The following DYM variants were observed in gnomAD, a reference collection of about 807,000 sequenced individuals.
DYM encodes dyggve-Melchior-Clausen syndrome protein.
In DYM, 78 loss-of-function variants were observed where a neutral mutation model predicts 93.1. The observed-to-expected ratio is 0.84, with a 90% CI of 0.70 to 1.01. The LOEUF (loss-of-function observed/expected upper bound fraction) is 1.01, where lower values mean the gene tolerates loss of function less well. Ranked by LOEUF, DYM falls within the 50% of genes least tolerant of loss-of-function variation. The pLI is 0.00. For missense variants in DYM, 789 were observed against 845.0 expected, an observed-to-expected ratio of 0.93 and a Z score of 0.82; for synonymous variants, 321 against 319.7, an observed-to-expected ratio of 1.00 and a Z score of -0.04.
At chr18:49,071,391 AG>A (rs1352595204) in intron 17 of DYM, among the ~76,000 whole-genome samples, 2 of 152,274 alleles carry the variant, frequency 1.3e-5, no homozygotes, top group Non-Finnish European at 2.9e-5. Context: ...ACTTAACTTC[AG>A]TCTGTGTAAC....
intron 2 of DYM, among the ~76,000 whole-genome samples, chr18:49,419,924 T>G (rs925519617): frequency 6.6e-6 from 1 of 152,222 alleles, no homozygotes; most frequent in African/African-American, 2.4e-5. Context: ...TTTCGCCCTC[T>G]TTTCCTCTAA....
chr18:49,062,121 G>C (rs1568358871), intron 17 of DYM, among the ~76,000 whole-genome samples: 1 of 152,180 alleles, frequency 6.6e-6, no homozygotes, highest in Non-Finnish European at 1.5e-5. Flanking sequence ...TGTCTGGAAG[G>C]CTTGTCAGAA....
intron 13 of DYM, among the ~76,000 whole-genome samples, chr18:49,235,688 A>G (rs562767580): frequency 1.3e-5 from 2 of 152,118 alleles, no homozygotes; most frequent in African/African-American, 2.4e-5. Flanking sequence ...AATAAGACCA[A>G]TCAACACACA....
chr18:49,158,162 C>T lies in DYM; in HGVS notation c.1728+5523G>A, dbSNP rs141710151. ...TTCAATGAAGACTGCCACAGTACCTCCCCTTCTTCCTAAAAGTTTTTCTCT... is the reference window on the plus strand; with the variant it reads ...TTCAATGAAGACTGCCACAGTACCTTCCCTTCTTCCTAAAAGTTTTTCTCT... On this transcript the variant is annotated intron_variant, in intron 15 of 17. Coordinates refer to ENST00000675505, the MANE Select transcript of DYM (RefSeq NM_001353214.3). 3.2e-3 allele frequency among the ~76,000 whole-genome samples: 489 copies of T among 152,318 alleles called. 8 individuals carry two copies. The highest frequency in any genetic ancestry group is 3.1e-4 in the Non-Finnish European group (21 of 68,026).
chr18:49,080,494 C>T (rs1468247517), intron 17 of DYM, among the ~76,000 whole-genome samples: 29 of 133,068 alleles, frequency 2.2e-4, no homozygotes, highest in East Asian at 1.2e-3. Flanking sequence ...CCGGACGGGG[C>T]GGCTGGCCGG....
At chr18:49,280,782 G>A (rs902332148) in intron 10 of DYM, among the ~76,000 whole-genome samples, 1 of 152,156 alleles carries the variant, frequency 6.6e-6, no homozygotes, top group Admixed American at 6.5e-5. Context: ...CTTGGGAAAA[G>A]AAGTTTTTCT....
At chr18:49,203,676 C>G (rs1034964363) in intron 14 of DYM, among the ~76,000 whole-genome samples, 1 of 141,084 alleles carries the variant, frequency 7.1e-6, no homozygotes, top group Admixed American at 7.1e-5. Flanking sequence ...AGAGTCATCA[C>G]CAATCCCTAA....
rs1158090381 is a variant in DYM at position 49,258,476 on chromosome 18, A to T, written c.1269T>A (p.Thr423=). 6.2e-7 allele frequency: 1 copy of T among 1,608,694 alleles called. No individual in the cohort carries two copies. The highest frequency in any genetic ancestry group is 8.5e-7 in the Non-Finnish European group (1 of 1,175,288). The change falls in exon 12 of 18, where the codon ACT becomes ACA. Residue 423 remains threonine, a synonymous_variant. Coordinates refer to ENST00000675505, the MANE Select transcript of DYM (RefSeq NM_001353214.3). ...SIHEVILKNI[T]WYSERVLTEI... is the part of the protein sequence containing the mutation. ...CAGTTAAAACTCGTTCTGAATACCA[A>T]GTAATATTTTTTAGTATCTGTAATG...
intron 6 of DYM, among the ~76,000 whole-genome samples, chr18:49,342,548 T>C (rs544960438): frequency 1.4e-4 from 22 of 152,226 alleles, no homozygotes; most frequent in Admixed American, 3.9e-4. Flanking sequence ...AACCAAAAAT[T>C]TGCCTACCAG....
intron 14 of DYM, among the ~76,000 whole-genome samples, chr18:49,174,481 CTTCA>C (rs1463191355): frequency 1.3e-5 from 2 of 152,160 alleles, no homozygotes; most frequent in African/African-American, 4.8e-5. Context: ...CATTACACTA[CTTCA>C]TTATCTCTTA....
chr18:49,094,820 AG>A (rs1174280231), intron 17 of DYM, among the ~76,000 whole-genome samples: 1 of 152,222 alleles, frequency 6.6e-6, no homozygotes, highest in Non-Finnish European at 1.5e-5. Flanking sequence ...TGCAAGGGAA[AG>A]TTCTAAAACT....
At chr18:49,163,212 G>C (rs1352586529) in intron 15 of DYM, among the ~76,000 whole-genome samples, 2 of 152,108 alleles carry the variant, frequency 1.3e-5, no homozygotes, top group African/African-American at 4.8e-5. Flanking sequence ...TTTACAACTT[G>C]TTCCCTTGAT....
intron 6 of DYM, among the ~76,000 whole-genome samples, chr18:49,335,753 A>G (rs886745774): frequency 1.3e-5 from 2 of 151,896 alleles, no homozygotes; most frequent in African/African-American, 4.8e-5. Flanking sequence ...TGTGAGTTAG[A>G]GCCTATTTAG....
chr18:49,369,793 AG>A (rs1319174351), intron 5 of DYM, among the ~76,000 whole-genome samples: 5 of 152,214 alleles, frequency 3.3e-5, no homozygotes, highest in African/African-American at 1.2e-4. Flanking sequence ...GTGCCATTAA[AG>A]CCAGGCTTCC....
Position 49,402,632 on chromosome 18 carries a change from T to C in DYM, c.141-10987A>G, listed in dbSNP as rs144792341. 9.2e-5 allele frequency among the ~76,000 whole-genome samples: 14 copies of C among 152,254 alleles called. No homozygotes were observed. In the East Asian group the frequency reaches 2.5e-3, roughly 27 times the overall value. Reference sequence around the variant, plus strand: ...AAATTCTTGTTTAATTCCACTAAAATTATAGACCAAATTAAAATACTAGGA... The same window carrying C: ...AAATTCTTGTTTAATTCCACTAAAACTATAGACCAAATTAAAATACTAGGA... On this transcript the variant is annotated intron_variant, in intron 2 of 17. Transcript: ENST00000675505.
rs200438133 is a variant in DYM at position 49,360,332 on chromosome 18, A to C, written c.494+2829T>G. 5.8e-4 allele frequency among the ~76,000 whole-genome samples: 88 copies of C among 152,180 alleles called. No homozygotes were observed. The South Asian group carries it at 0.017, about 29-fold the overall frequency. Reference sequence around the variant, plus strand: ...CTGGTATTGTGTTATATAAAAAAAAAAAATATTTAGGGCTGAGCGTGGTGG... The same window carrying C: ...CTGGTATTGTGTTATATAAAAAAAACAAATATTTAGGGCTGAGCGTGGTGG... On this transcript the variant is annotated intron_variant, in intron 6 of 17. Transcript: ENST00000675505.
chr18:49,319,659 T>C (rs2062312648), intron 8 of DYM, among the ~76,000 whole-genome samples: 1 of 152,214 alleles, frequency 6.6e-6, no homozygotes, highest in South Asian at 2.1e-4. Flanking sequence ...GTTCCATTTT[T>C]AAATGAGGAA....
Position 49,203,226 on chromosome 18 carries a change from T to TG in DYM, c.1625+6324dup, listed in dbSNP as rs1230181983. On this transcript the variant is annotated intron_variant, in intron 14 of 17. Transcript: ENST00000675505. ...CCAGCCACCCCGTCTGGGAGGGAGGTGGGGGGGGTCAGCCCCCCCTGCCCG... is the reference window on the plus strand; with the variant it reads ...CCAGCCACCCCGTCTGGGAGGGAGGTGGGGGGGGGTCAGCCCCCCCTGCCCG... Among the ~76,000 whole-genome samples, 17 of 37,690 alleles carry TG rather than the reference T, an allele frequency of 4.5e-4. 2 individuals carry two copies. Among genetic ancestry groups the TG allele is most frequent in the East Asian group, 2.3e-3 (4 of 1,766 alleles). The allele number at this position is 37,690 out of a possible 152,430, so 24.7% of individuals were successfully genotyped here. A position where few individuals can be genotyped will look rare whatever the true frequency, so the allele number is the denominator to read the frequency against.
At chr18:49,211,049 A>G (rs1019061953) in intron 13 of DYM, among the ~76,000 whole-genome samples, 8 of 152,218 alleles carry the variant, frequency 5.3e-5, no homozygotes, top group Non-Finnish European at 8.8e-5. Flanking sequence ...TAGAGAGAAC[A>G]CTGAATTAGG....
Sources: allele counts gnomAD v4.1 joint callset (sites outside exome capture counted in the v4.1 genomes callset), GRCh38; gene constraint gnomAD v4.1.1; transcripts MANE v1.5; gene names NCBI Gene and HGNC (gene_info 2026-07-23, HGNC 2026-07-21).